The following GRIA4 variants were observed in gnomAD, a reference collection of about 807,000 sequenced individuals.
GRIA4 encodes glutamate ionotropic receptor AMPA type subunit 4.
Under a neutral mutation model 104.0 loss-of-function variants are expected in GRIA4, and 34 were observed. The ratio of observed to expected loss-of-function variants is 0.33; its 90% confidence interval spans 0.25 to 0.44. The LOEUF is 0.44. GRIA4 is among the 20% of genes least tolerant of loss of function. The probability of loss-of-function intolerance (pLI) is 1.00; values close to 1 mark genes in which losing one functional copy is unlikely to be tolerated. For missense variants in GRIA4, 750 were observed against 1,096.5 expected, an observed-to-expected ratio of 0.68 and a Z score of 4.46; for synonymous variants, 386 against 381.9, an observed-to-expected ratio of 1.01 and a Z score of -0.13.
At position 105,897,122 on chromosome 11, in the gene GRIA4, A is replaced by G. The variant is rs548340045; in HGVS notation, c.727-1147A>G. 2.6e-4 allele frequency among the ~76,000 whole-genome samples: 39 copies of G among 152,146 alleles called. No homozygotes were observed. The South Asian group carries it at 7.9e-3, about 31-fold the overall frequency. ...GGTAGTTTTCCTTATAGAGGTCTCT[A>G]ACCTTCTTGGTTAAATGCATTCCTG... On this transcript the variant is annotated intron_variant, in intron 6 of 16. Transcript: ENST00000282499.
At chr11:105,879,711 T>C (rs1438001672) in intron 5 of GRIA4, among the ~76,000 whole-genome samples, 2 of 152,200 alleles carry the variant, frequency 1.3e-5, no homozygotes, top group Non-Finnish European at 2.9e-5. Context: ...AAGAGATTAT[T>C]TGTAAGGAAA....
At chr11:105,701,391 T>C (rs1046800934) in intron 3 of GRIA4, among the ~76,000 whole-genome samples, 1 of 152,194 alleles carries the variant, frequency 6.6e-6, no homozygotes. Flanking sequence ...TGTCTTCATA[T>C]TACATCTACT....
chr11:105,821,813 T>G (rs78058324), intron 4 of GRIA4, among the ~76,000 whole-genome samples: 1 of 152,116 alleles, frequency 6.6e-6, no homozygotes, highest in African/African-American at 2.4e-5. Flanking sequence ...CTAAAAAAAT[T>G]CTTAATACCC....
intron 4 of GRIA4, among the ~76,000 whole-genome samples, chr11:105,807,352 T>A (rs1942993710): frequency 6.6e-6 from 1 of 151,972 alleles, no homozygotes; most frequent in South Asian, 2.1e-4. Context: ...AGTCCTCATC[T>A]TTTATGATGA....
intron 4 of GRIA4, among the ~76,000 whole-genome samples, chr11:105,836,900 G>C (rs920728636): frequency 6.6e-6 from 1 of 152,054 alleles, no homozygotes; most frequent in Non-Finnish European, 1.5e-5. Context: ...TTTTATAGTA[G>C]TCTTGACCTA....
rs543520124 is a variant in GRIA4, at chr11:105,774,656, C to G, written c.487+21436C>G. On this transcript the variant is annotated intron_variant, in intron 4 of 16. Coordinates refer to ENST00000282499, the MANE Select transcript of GRIA4 (RefSeq NM_000829.4). ...ATTTATAAAATAAAAATATTCAACT[C>G]TATTCCTGATCCAAAATTTATAGCC... Among the ~76,000 whole-genome samples the G allele has an allele frequency of 5.9e-5, 9 of 152,150 alleles. No individual in the cohort carries two copies. The South Asian group carries it at 1.9e-3, about 32-fold the overall frequency.
intron 4 of GRIA4, among the ~76,000 whole-genome samples, chr11:105,822,952 T>C (rs915472784): frequency 2.0e-5 from 3 of 152,170 alleles, no homozygotes; most frequent in African/African-American, 7.2e-5. Flanking sequence ...TGAACATTTC[T>C]TCTTCTATCA....
chr11:105,804,253 A>T (rs2135847679), intron 4 of GRIA4, among the ~76,000 whole-genome samples: 1 of 152,004 alleles, frequency 6.6e-6, no homozygotes, highest in South Asian at 2.1e-4. Context: ...AAGACATGTT[A>T]TGATGTAAAG....
chr11:105,669,747 G>A (rs1007288739), intron 3 of GRIA4, among the ~76,000 whole-genome samples: 1 of 152,098 alleles, frequency 6.6e-6, no homozygotes, highest in African/African-American at 2.4e-5. Context: ...GTACTATTTT[G>A]TGAATAAATA....
chr11:105,784,689 A>C (rs1941879941), intron 4 of GRIA4, among the ~76,000 whole-genome samples: 1 of 152,184 alleles, frequency 6.6e-6, no homozygotes. Flanking sequence ...CAAGTATGCA[A>C]ATTTAAAATT....
At chr11:105,846,945 T>A (rs971128265) in intron 4 of GRIA4, among the ~76,000 whole-genome samples, 1 of 152,218 alleles carries the variant, frequency 6.6e-6, no homozygotes, top group East Asian at 1.9e-4. Context: ...GATGAGCTGG[T>A]GCCATCCAAT....
intron 4 of GRIA4, among the ~76,000 whole-genome samples, chr11:105,848,651 G>A (rs1290540795): frequency 6.6e-6 from 1 of 152,132 alleles, no homozygotes; most frequent in Non-Finnish European, 1.5e-5. Context: ...AACTAATGGT[G>A]CACTCTAACT....
At chr11:105,731,843 C>T (rs528955614) in intron 3 of GRIA4, among the ~76,000 whole-genome samples, 1 of 151,754 alleles carries the variant, frequency 6.6e-6, no homozygotes, top group East Asian at 1.9e-4. Context: ...CATATGGGCA[C>T]AGGGAGGGGA....
chr11:105,964,397 G>A (rs907753665), intron 14 of GRIA4, among the ~76,000 whole-genome samples: 8 of 152,138 alleles, frequency 5.3e-5, no homozygotes, highest in East Asian at 1.9e-4. Flanking sequence ...GGAAAAGCAC[G>A]TTGTTGACCT....
chr11:105,835,759 T>C (rs1205564448), intron 4 of GRIA4, among the ~76,000 whole-genome samples: 2 of 152,010 alleles, frequency 1.3e-5, no homozygotes, highest in Non-Finnish European at 1.5e-5. Flanking sequence ...CCTCTGGTGA[T>C]AGTTAAGAGA....
rs1221417502 is a variant in GRIA4 at position 105,871,923 on chromosome 11, A to G, written c.672+9715A>G. ...TATAGATTATCAACACTGAAGGGAA[A>G]TAAGAAAATGATGCTAAAGCAACAT... is the stretch of plus-strand genomic sequence containing the variant. On this transcript the variant is annotated intron_variant, in intron 5 of 16. Coordinates refer to ENST00000282499, the MANE Select transcript of GRIA4 (RefSeq NM_000829.4). 2.6e-5 allele frequency among the ~76,000 whole-genome samples: 4 copies of G among 152,136 alleles called. No homozygotes were observed. In the South Asian group the frequency reaches 6.2e-4, roughly 24 times the overall value.
chr11:105,845,621 G>A (rs555527076), intron 4 of GRIA4, among the ~76,000 whole-genome samples: 1 of 152,276 alleles, frequency 6.6e-6, no homozygotes, highest in Admixed American at 6.5e-5. Context: ...GGTGGCTCAC[G>A]CCTGTAAGTC....
intron 14 of GRIA4, among the ~76,000 whole-genome samples, chr11:105,969,479 A>C (rs1302999708): frequency 6.6e-6 from 1 of 152,170 alleles, no homozygotes; most frequent in Non-Finnish European, 1.5e-5. Context: ...GAAATAGCAG[A>C]AAGGATAAAG....
At chr11:105,747,053 AATTTTGACGT>A (rs1263486762) in intron 3 of GRIA4, among the ~76,000 whole-genome samples, 1 of 152,174 alleles carries the variant, frequency 6.6e-6, no homozygotes, top group Non-Finnish European at 1.5e-5. Flanking sequence ...CTCCCATAAG[AATTTTGACGT>A]ATTTATCTGC....
Sources: allele counts gnomAD v4.1 joint callset (sites outside exome capture counted in the v4.1 genomes callset), GRCh38; gene constraint gnomAD v4.1.1; transcripts MANE v1.5; gene names NCBI Gene and HGNC (gene_info 2026-07-23, HGNC 2026-07-21).